PDS5B: variants seen among roughly 807,000 people sequenced by gnomAD.
The protein encoded by PDS5B is sister chromatid cohesion protein PDS5 homolog B.
A neutral mutation model predicts 184.1 loss-of-function variants in PDS5B; 51 were observed. The ratio of observed to expected loss-of-function variants is 0.28; its 90% CI spans 0.22 to 0.35. The LOEUF (loss-of-function observed/expected upper bound fraction) is 0.35. PDS5B is among the 10% of genes least tolerant of loss of function. The pLI, the probability that PDS5B is intolerant of heterozygous loss-of-function variation, is 1.00. For missense variants in PDS5B, 1,180 were observed against 1,723.3 expected, an observed-to-expected ratio of 0.68 and a Z score of 5.58; for synonymous variants, 566 against 569.2, an observed-to-expected ratio of 0.99 and a Z score of 0.08.
chr13:32,700,299 G>C (rs1951831303), intron 16 of PDS5B, among the ~76,000 whole-genome samples: 1 of 151,996 alleles, frequency 6.6e-6, no homozygotes, highest in Non-Finnish European at 1.5e-5. Flanking sequence ...TGGGCTAACA[G>C]CTCATTTTTA....
intron 33 of PDS5B, among the ~76,000 whole-genome samples, chr13:32,771,708 G>A (rs1242407126): frequency 6.6e-6 from 1 of 151,984 alleles, no homozygotes; most frequent in South Asian, 2.1e-4. Flanking sequence ...GTACATTTTT[G>A]TGGCAGCTTT....
chr13:32,751,260 G>T (rs778933653), intron 24 of PDS5B, among the ~76,000 whole-genome samples: 4 of 152,316 alleles, frequency 2.6e-5, no homozygotes, highest in African/African-American at 4.8e-5. Context: ...ACTGTTGATG[G>T]ACATTTAGAT....
intron 3 of PDS5B, among the ~76,000 whole-genome samples, chr13:32,653,756 T>C (rs1194759638): frequency 2.0e-5 from 3 of 152,226 alleles, no homozygotes; most frequent in Non-Finnish European, 4.4e-5. Flanking sequence ...TGTGAATTTC[T>C]CATTTGGAGA....
intron 3 of PDS5B, among the ~76,000 whole-genome samples, chr13:32,657,043 T>C (rs576770609): frequency 5.9e-5 from 9 of 152,352 alleles, no homozygotes; most frequent in Admixed American, 5.9e-4. Flanking sequence ...ATGAGAAGAA[T>C]GTATATTCTG....
intron 12 of PDS5B, among the ~76,000 whole-genome samples, chr13:32,687,703 C>T (rs903202159): frequency 2.0e-5 from 3 of 152,100 alleles, no homozygotes; most frequent in African/African-American, 7.2e-5. Flanking sequence ...ATAAAAAACA[C>T]ATTATCTGAA....
chr13:32,704,590 A>G (rs1387980407), intron 17 of PDS5B, among the ~76,000 whole-genome samples: 1 of 152,222 alleles, frequency 6.6e-6, no homozygotes. Flanking sequence ...ATTGATTCTC[A>G]TTTGATTTGA....
At chr13:32,675,593 T>C (rs867805870) in intron 8 of PDS5B, among the ~76,000 whole-genome samples, 22 of 152,308 alleles carry the variant, frequency 1.4e-4, no homozygotes, top group Non-Finnish European at 3.2e-4. Context: ...GCCTCTAACA[T>C]TGGAACAAAC....
chr13:32,658,426 A>G lies in PDS5B; in HGVS notation c.400-8A>G. ...CTTAACTTTCACTTTTTTACACCTT[A>G]TTTTTAGAACATTGCTTGGGTCAAG... is the stretch of plus-strand genomic sequence containing the variant. On this transcript the variant is annotated splice_region_variant and splice_polypyrimidine_tract_variant and intron_variant, in intron 4 of 34. Coordinates refer to ENST00000315596, the MANE Select transcript of PDS5B (RefSeq NM_015032.4). 1 of 1,539,440 alleles carries G rather than the reference A, an allele frequency of 6.5e-7. No individual in the cohort carries two copies. Among genetic ancestry groups the G allele is most frequent in the South Asian group, 1.2e-5 (1 of 84,426 alleles).
At chr13:32,617,396 G>A (rs897639969) in intron 1 of PDS5B, among the ~76,000 whole-genome samples, 2 of 152,116 alleles carry the variant, frequency 1.3e-5, no homozygotes, top group Admixed American at 6.6e-5. Flanking sequence ...TACTGTTTTG[G>A]ATATCTTGGG....
chr13:32,721,740 G>A (rs1001103310), intron 19 of PDS5B, among the ~76,000 whole-genome samples: 7 of 150,984 alleles, frequency 4.6e-5, no homozygotes, highest in Non-Finnish European at 7.4e-5. Flanking sequence ...GGGAAGAGGC[G>A]CTCCTCACTT....
At chr13:32,610,661 A>G (rs2058127419) in intron 1 of PDS5B, among the ~76,000 whole-genome samples, 1 of 150,622 alleles carries the variant, frequency 6.6e-6, no homozygotes, top group Admixed American at 6.6e-5. Flanking sequence ...TTCCTTTGAG[A>G]GATATATAGT....
At chr13:32,672,515 G>A (rs913647827) in intron 7 of PDS5B, among the ~76,000 whole-genome samples, 9 of 152,224 alleles carry the variant, frequency 5.9e-5, no homozygotes, top group African/African-American at 2.2e-4. Context: ...AGTCTGAGAA[G>A]TCCGAGAGTA....
chr13:32,650,825 A>C (rs1032033950), intron 2 of PDS5B, among the ~76,000 whole-genome samples: 1 of 152,232 alleles, frequency 6.6e-6, no homozygotes, highest in Non-Finnish European at 1.5e-5. Context: ...GTTACTCAGA[A>C]GTCTAGCTGG....
chr13:32,694,524 G>A (rs1426741440), intron 14 of PDS5B, among the ~76,000 whole-genome samples: 1 of 151,864 alleles, frequency 6.6e-6, no homozygotes, highest in East Asian at 1.9e-4. Context: ...ACATTACAGA[G>A]AGTGTGGGTC....
intron 10 of PDS5B, among the ~76,000 whole-genome samples, chr13:32,680,840 TGA>T (rs1479024318): frequency 6.6e-6 from 1 of 151,998 alleles, no homozygotes; most frequent in Non-Finnish European, 1.5e-5. Flanking sequence ...TTGCCCAGGC[TGA>T]TTTTGAATTT....
At chr13:32,734,851 A>G (rs1953267077) in intron 20 of PDS5B, among the ~76,000 whole-genome samples, 1 of 152,166 alleles carries the variant, frequency 6.6e-6, no homozygotes, top group Non-Finnish European at 1.5e-5. Flanking sequence ...GCAGTCTCTA[A>G]CACATTCATG....
intron 33 of PDS5B, among the ~76,000 whole-genome samples, chr13:32,772,475 A>G (rs1470744255): frequency 2.0e-5 from 3 of 152,218 alleles, no homozygotes; most frequent in East Asian, 1.9e-4. Flanking sequence ...CTAGACAGGC[A>G]GAGAACAGGT....
intron 1 of PDS5B, among the ~76,000 whole-genome samples, chr13:32,598,686 T>C (rs1187605657): frequency 6.6e-6 from 1 of 152,090 alleles, no homozygotes; most frequent in Non-Finnish European, 1.5e-5. Context: ...TTTTCATTAC[T>C]TTAAATATAT....
chr13:32,618,758 G>C (rs984819705), intron 1 of PDS5B, among the ~76,000 whole-genome samples: 2 of 152,036 alleles, frequency 1.3e-5, no homozygotes, highest in African/African-American at 4.8e-5. Flanking sequence ...TTCAAACTTG[G>C]GTAATTAAAA....
Sources: allele counts gnomAD v4.1 joint callset (sites outside exome capture counted in the v4.1 genomes callset), GRCh38; gene constraint gnomAD v4.1.1; transcripts MANE v1.5; gene names NCBI Gene and HGNC (gene_info 2026-07-23, HGNC 2026-07-21).